SLC45A4: variants seen among roughly 807,000 people sequenced by gnomAD.
SLC45A4 encodes the protein polyamine-transporter SLC45A4.
In SLC45A4, 32 loss-of-function variants were observed where a neutral mutation model predicts 63.7. The ratio of observed to expected loss-of-function variants is 0.50; its 90% CI spans 0.38 to 0.67. SLC45A4 has a LOEUF of 0.67. Ranked by LOEUF, SLC45A4 falls within the 30% of genes least tolerant of loss-of-function variation. The pLI is 0.00. For synonymous variants in SLC45A4, 535 were observed against 510.0 expected, an observed-to-expected ratio of 1.05 and a Z score of -0.66; for missense variants, 1,027 against 1,157.7, an observed-to-expected ratio of 0.89 and a Z score of 1.64.
At chr8:141,220,383 C>T (rs539373354) in intron 3 of SLC45A4, among the ~76,000 whole-genome samples, 1 of 152,170 alleles carries the variant, frequency 6.6e-6, no homozygotes, top group East Asian at 1.9e-4. Context: ...GTTCAGGAGA[C>T]GTGGCTCTAG....
intron 8 of SLC45A4, 187 bp from the exon 9 acceptor site, chr8:141,211,884 G>T: frequency 8.0e-7 from 1 of 1,256,608 alleles, no homozygotes; most frequent in Non-Finnish European, 1.0e-6. Flanking sequence ...TTAAAAACAT[G>T]CAGAATAATA....
At chr8:141,250,362 T>C (rs1336531892) in intron 2 of SLC45A4, among the ~76,000 whole-genome samples, 1 of 151,986 alleles carries the variant, frequency 6.6e-6, no homozygotes, top group Non-Finnish European at 1.5e-5. Context: ...ATAGGCTCTG[T>C]GTTACATGAT....
chr8:141,235,244 C>A (rs867895478), intron 2 of SLC45A4, among the ~76,000 whole-genome samples: 4 of 152,226 alleles, frequency 2.6e-5, no homozygotes, highest in Admixed American at 1.3e-4. Flanking sequence ...ATGCCACCCC[C>A]CTTCTTCATG....
chr8:141,293,357 G>C (rs987076082), intron 1 of SLC45A4, among the ~76,000 whole-genome samples: 1 of 152,158 alleles, frequency 6.6e-6, no homozygotes, highest in African/African-American at 2.4e-5. Context: ...GGGAGGCTGA[G>C]GCAAGAGAAT....
chr8:141,269,749 ATGTCTG>A (rs1249629917), intron 1 of SLC45A4, among the ~76,000 whole-genome samples: 5 of 151,664 alleles, frequency 3.3e-5, no homozygotes, highest in Admixed American at 3.3e-4. Context: ...ATGTGTCTGT[ATGTCTG>A]TGTCTATCTC....
chr8:141,275,194 A>G (rs1829686085), intron 1 of SLC45A4, among the ~76,000 whole-genome samples: 2 of 152,208 alleles, frequency 1.3e-5, no homozygotes, highest in Non-Finnish European at 2.9e-5. Flanking sequence ...TCTATAGTTC[A>G]GCGAGCAGCC....
rs534295566 is a variant in SLC45A4, at chr8:141,219,790, C to A, written c.470G>T (p.Gly157Val). Residue 157 changes from glycine (G) to valine (V), a missense_variant, in exon 4 of 9, where the codon GGC becomes GTC. Gly to Val is a moderately radical substitution (Grantham distance 109, BLOSUM62 -3). Transcript: ENST00000517878. Reference protein sequence around the residue: ...LGDVPNRQPIGIVLTVLGVVV... With the variant: ...LGDVPNRQPIVIVLTVLGVVV... ...CACTCCCAGCACCGTGAGCACGATGCCAATGGGCTGCCGGTTGGGGACATC... is the reference window on the plus strand; with the variant it reads ...CACTCCCAGCACCGTGAGCACGATGACAATGGGCTGCCGGTTGGGGACATC... The A allele has an allele frequency of 3.8e-6, 6 of 1,596,360 alleles. No individual in the cohort carries two copies. The South Asian group carries it at 6.8e-5, about 18-fold the overall frequency.
intron 5 of SLC45A4, among the ~76,000 whole-genome samples, chr8:141,217,686 C>T (rs977853357): frequency 1.3e-5 from 2 of 152,226 alleles, no homozygotes; most frequent in Admixed American, 6.5e-5. Flanking sequence ...TGGTCAACAG[C>T]AGGCCATTAT....
In SLC45A4 at chr8:141,218,759, G is replaced by A. The variant is rs1297321648; in HGVS notation, c.881C>T (p.Ala294Val). 6.2e-7 allele frequency: 1 copy of A among 1,613,278 alleles called. No individual in the cohort carries two copies. Among genetic ancestry groups the A allele is most frequent in the Non-Finnish European group, 8.5e-7 (1 of 1,179,878 alleles). Reference sequence around the variant, plus strand: ...GATGTCCACGTCCGGGTAGTCCAGGGCCAGCTCGTGCTCCGACTGTACCTC... The same window carrying A: ...GATGTCCACGTCCGGGTAGTCCAGGACCAGCTCGTGCTCCGACTGTACCTC... ...PDEVQSEHEL[A>V]LDYPDVDIMR... Residue 294 changes from alanine (A) to valine (V), a missense_variant, in exon 5 of 9, where the codon GCC (alanine) becomes GTC (valine). Ala to Val is a moderately conservative substitution (Grantham distance 64). Coordinates refer to ENST00000517878, the MANE Select transcript of SLC45A4 (RefSeq NM_001286646.2).
rs562290569 is a variant in SLC45A4 at position 141,277,866 on chromosome 8, TCTC to T, written c.-400-23240_-400-23238del. Reference sequence around the variant, plus strand: ...ACCGTGTTAGCCAGGATGCTCTCGATCTCCTGACCTCGTGATCCGCCTGCTTCA... The same window carrying T: ...ACCGTGTTAGCCAGGATGCTCTCGATCTGACCTCGTGATCCGCCTGCTTCA... On this transcript the variant is annotated intron_variant, in intron 1 of 8. Transcript: ENST00000517878. Among the ~76,000 whole-genome samples the T allele has an allele frequency of 3.5e-3, 528 of 152,170 alleles. 7 individuals are homozygous for T. The highest frequency in any genetic ancestry group is 0.012 in the African/African-American group (505 of 41,532).
chr8:141,282,759 C>T (rs1338611515), intron 1 of SLC45A4, among the ~76,000 whole-genome samples: 1 of 152,282 alleles, frequency 6.6e-6, no homozygotes, highest in Non-Finnish European at 1.5e-5. Flanking sequence ...TCGCAAGAGT[C>T]TGCCGTGCGC....
rs1827236469 is a variant in SLC45A4, at chr8:141,229,628, G to A, written c.242-7863C>T. On this transcript the variant is annotated intron_variant, in intron 2 of 8. Coordinates refer to ENST00000517878, the MANE Select transcript of SLC45A4 (RefSeq NM_001286646.2). The surrounding 1 kb of genome is among the most constrained non-coding windows in gnomAD (Gnocchi z 5.0). ...CAGGTGACGGCACCCGCAGACCACG[G>A]CCTGCACCCATGGCAGAGACCCTGC... Among the ~76,000 whole-genome samples, 1 of 152,086 alleles carries A rather than the reference G, an allele frequency of 6.6e-6. No homozygotes were observed. Among genetic ancestry groups the A allele is most frequent in the African/African-American group, 2.4e-5 (1 of 41,410 alleles).
Position 141,211,528 on chromosome 8 carries a change from A to T in SLC45A4, c.*44T>A. 1 of 1,613,100 alleles carries T rather than the reference A, an allele frequency of 6.2e-7. No homozygotes were observed. ...GCCCAAGGACAGGGCTGCCCTGGGCACAATGTGTCCAACTCGCTGAGGAAA... is the reference window on the plus strand; with the variant it reads ...GCCCAAGGACAGGGCTGCCCTGGGCTCAATGTGTCCAACTCGCTGAGGAAA... On this transcript the variant is annotated 3_prime_UTR_variant, in exon 9 of 9. Coordinates refer to ENST00000517878, the MANE Select transcript of SLC45A4 (RefSeq NM_001286646.2).
Position 141,218,197 on chromosome 8 carries a change from C to T in SLC45A4, c.1443G>A (p.Gly481=), listed in dbSNP as rs1243364502. 6.2e-7 allele frequency: 1 copy of T among 1,603,744 alleles called. No homozygotes were observed. Among genetic ancestry groups the T allele is most frequent in the East Asian group, 2.2e-5 (1 of 44,864 alleles). Residue 481 remains glycine (G), a synonymous_variant, in exon 5 of 9, where the codon GGG becomes GGA. Coordinates refer to ENST00000517878, the MANE Select transcript of SLC45A4 (RefSeq NM_001286646.2). ...CCTCCCCCTCCTCACTCTCGGTGTC[C>T]CCGCTGGAGGTGGTGGCCCCGCTCT... The part of the protein sequence containing the change: ...RNQSGATTSS[G]DTESEEGEGE...
chr8:141,271,889 C>T (rs115684612), intron 1 of SLC45A4, among the ~76,000 whole-genome samples: 99 of 152,326 alleles, frequency 6.5e-4, no homozygotes, highest in African/African-American at 2.3e-3. Flanking sequence ...ATGCAACACA[C>T]ACCTGCGTAC....
intron 2 of SLC45A4, among the ~76,000 whole-genome samples, chr8:141,252,917 A>G (rs1407059932): frequency 1.4e-5 from 2 of 144,328 alleles, no homozygotes; most frequent in African/African-American, 2.6e-5. Flanking sequence ...TCGTGTTTTC[A>G]TGCCCACCTG....
chr8:141,284,858 C>G (rs1830080218), intron 1 of SLC45A4, among the ~76,000 whole-genome samples: 1 of 152,102 alleles, frequency 6.6e-6, no homozygotes, highest in South Asian at 2.1e-4. Context: ...TGGAAGAGAA[C>G]AGCTGCCCGT....
At chr8:141,291,823 AC>A (rs1414725186) in intron 1 of SLC45A4, among the ~76,000 whole-genome samples, 1 of 152,220 alleles carries the variant, frequency 6.6e-6, no homozygotes, top group Non-Finnish European at 1.5e-5. Context: ...TTGAAAAGTA[AC>A]CCAGGACAGA....
intron 8 of SLC45A4, 55 bp downstream of exon 8, chr8:141,212,142 G>GCCCTTCCCCCCCC: frequency 4.1e-6 from 2 of 491,698 alleles, no homozygotes; most frequent in Non-Finnish European, 2.4e-6. Flanking sequence ...CCCGCCGCCC[G>GCCCTTCCCCCCCC]CCCGCCCGCC....
Sources: gnomAD v4.1 joint callset for allele counts (sites outside exome capture counted in the v4.1 genomes callset) on GRCh38, gnomAD v4.1.1 for gene constraint, Gnocchi (gnomAD v3.1) non-coding constraint, MANE v1.5 for transcripts, NCBI Gene and HGNC (gene_info 2026-07-23, HGNC 2026-07-21) for gene names.